The following PTPRQ variants were observed in gnomAD, a reference collection of about 807,000 sequenced individuals.
PTPRQ encodes protein tyrosine phosphatase receptor type Q.
PTPRQ carries 199 observed loss-of-function variants against 246.0 expected under a neutral mutation model. The ratio of observed to expected loss-of-function variants is 0.81; its 90% confidence interval spans 0.72 to 0.91. The LOEUF (loss-of-function observed/expected upper bound fraction) is 0.91, where lower values mean the gene tolerates loss of function less well. Ranked by LOEUF, PTPRQ falls within the 40% of genes least tolerant of loss-of-function variation. PTPRQ has a pLI of 0.00. For synonymous variants in PTPRQ, 869 were observed against 853.2 expected, an observed-to-expected ratio of 1.02 and a Z score of -0.32; for missense variants, 2,624 against 2,528.4, an observed-to-expected ratio of 1.04 and a Z score of -0.81.
chr12:80,583,858 A>T (rs1468570105), intron 25 of PTPRQ: 1 of 152,202 alleles, frequency 6.6e-6, no homozygotes, highest in African/African-American at 2.4e-5. Flanking sequence ...GGTAGAATTT[A>T]GTTCCTTGCA....
At chr12:80,450,291 G>A (rs1185850215) in intron 3 of PTPRQ, among the ~76,000 whole-genome samples, 1 of 152,144 alleles carries the variant, frequency 6.6e-6, no homozygotes, top group Non-Finnish European at 1.5e-5. Context: ...AGACGATGGG[G>A]TTTTCTAGAT....
chr12:80,620,879 T>C (rs557848021), intron 32 of PTPRQ, among the ~76,000 whole-genome samples: 3 of 152,020 alleles, frequency 2.0e-5, no homozygotes, highest in African/African-American at 7.2e-5. Context: ...AATATTTAGC[T>C]TTTTGTAGCC....
At chr12:80,444,877 A>G in intron 2 of PTPRQ, 28 bp downstream of exon 2, 8 of 1,487,960 alleles carry the variant, frequency 5.4e-6, no homozygotes, top group Non-Finnish European at 7.2e-6. Flanking sequence ...ATTACTTTGT[A>G]AGTAAAGTAT....
chr12:80,508,946 G>C (rs201964032), intron 16 of PTPRQ, among the ~76,000 whole-genome samples: 1 of 151,970 alleles, frequency 6.6e-6, no homozygotes, highest in African/African-American at 2.4e-5. Context: ...CTAAGTTACT[G>C]CTATTTTTAA....
At chr12:80,480,820 C>T (rs1223138095) in intron 8 of PTPRQ, among the ~76,000 whole-genome samples, 1 of 152,110 alleles carries the variant, frequency 6.6e-6, no homozygotes, top group Admixed American at 6.5e-5. Context: ...CAAGACTAAA[C>T]CAGGAAGAAG....
At chr12:80,643,122 T>G (rs1210936210) in intron 35 of PTPRQ, among the ~76,000 whole-genome samples, 2 of 151,724 alleles carry the variant, frequency 1.3e-5, no homozygotes, top group Non-Finnish European at 2.9e-5. Context: ...TCATTTACTA[T>G]TAATTGTTTT....
intron 23 of PTPRQ, among the ~76,000 whole-genome samples, chr12:80,545,366 T>C (rs1480719903): frequency 1.3e-5 from 2 of 152,160 alleles, no homozygotes; most frequent in Admixed American, 1.3e-4. Context: ...ATTCTAATTG[T>C]AAATTCCCCA....
At chr12:80,616,100 T>C in intron 29 of PTPRQ, 100 bp from the exon 30 acceptor site, 1 of 630,722 alleles carries the variant, frequency 1.6e-6, no homozygotes, top group Non-Finnish European at 2.2e-6. Flanking sequence ...TATATAACTA[T>C]ATATATACAT....
chr12:80,673,126 AC>A (rs1271760710), intron 42 of PTPRQ, 42 bp from the exon 43 acceptor site: 2 of 1,546,322 alleles, frequency 1.3e-6, no homozygotes, highest in East Asian at 2.5e-5. Flanking sequence ...AAAATGAACA[AC>A]CCTTTGCTGA....
At chr12:80,655,571 G>GTCTC (rs146087588) in intron 38 of PTPRQ, among the ~76,000 whole-genome samples, 3 of 146,960 alleles carry the variant, frequency 2.0e-5, no homozygotes, top group African/African-American at 5.0e-5. Context: ...GGTTCTCTCT[G>GTCTC]TCTCTCTCTC....
chr12:80,589,383 G>A (rs186933009), intron 26 of PTPRQ, among the ~76,000 whole-genome samples: 1 of 152,216 alleles, frequency 6.6e-6, no homozygotes, highest in East Asian at 1.9e-4. Flanking sequence ...AAATCCTTCA[G>A]ATATAGGCCT....
chr12:80,670,194 C>A (rs1900924320), intron 41 of PTPRQ, 150 bp from the exon 42 acceptor site: 5 of 1,112,136 alleles, frequency 4.5e-6, no homozygotes, highest in South Asian at 1.8e-5. Flanking sequence ...CAATAAAAAT[C>A]TCTCTTATAG....
Position 80,673,288 on chromosome 12 carries a change from G to A in PTPRQ, c.6722G>A (p.Cys2241Tyr). ...GCTGAACTGAGAAGTGAAAGAATGT[G>A]CATGGTGCAGAATCTGGTAAGATCT... ...LVAELRSERM[C>Y]MVQNLAQYIF... Residue 2241 changes from cysteine to tyrosine, a missense_variant, in exon 43 of 45, where the codon TGC (cysteine) becomes TAC (tyrosine). By Grantham distance (194) the Cys-to-Tyr change is radical. Transcript: ENST00000644991. The A allele has an allele frequency of 1.3e-6, 2 of 1,550,108 alleles. No homozygotes were observed. Among genetic ancestry groups the A allele is most frequent in the Non-Finnish European group, 1.7e-6 (2 of 1,146,068 alleles).
At chr12:80,529,188 T>C (rs950955588) in intron 17 of PTPRQ, among the ~76,000 whole-genome samples, 3 of 152,088 alleles carry the variant, frequency 2.0e-5, no homozygotes, top group Non-Finnish European at 2.9e-5. Flanking sequence ...CCTTATATAA[T>C]GGGAAAATTA....
chr12:80,526,866 CTATT>C (rs1413195216), intron 17 of PTPRQ, among the ~76,000 whole-genome samples: 3 of 151,656 alleles, frequency 2.0e-5, no homozygotes, highest in African/African-American at 7.3e-5. Flanking sequence ...ATATTTGAAA[CTATT>C]GAAGAAAAAA....
chr12:80,600,794 T>C (rs898876731), intron 26 of PTPRQ, among the ~76,000 whole-genome samples: 4 of 151,842 alleles, frequency 2.6e-5, no homozygotes, highest in African/African-American at 9.7e-5. Flanking sequence ...TTCTACTTCA[T>C]GGCGTTTGTC....
intron 27 of PTPRQ, among the ~76,000 whole-genome samples, chr12:80,606,775 T>C (rs959429683): frequency 2.0e-5 from 3 of 151,108 alleles, no homozygotes; most frequent in South Asian, 2.1e-4. Context: ...CAGTCTCTAT[T>C]TTCTGTTCCT....
intron 2 of PTPRQ, 116 bp from the exon 3 acceptor site, chr12:80,445,375 C>T: frequency 1.6e-6 from 1 of 638,092 alleles, no homozygotes; most frequent in East Asian, 2.7e-5. Context: ...GGAGTGTGAA[C>T]TCATATTGCT....
chr12:80,657,985 A>G lies in PTPRQ; in HGVS notation c.6116A>G (p.Tyr2039Cys), dbSNP rs201859718. The G allele has an allele frequency of 4.4e-4, 616 of 1,412,408 alleles. 1 individual carries two copies. Among genetic ancestry groups the G allele is most frequent in the Middle Eastern group, 1.0e-3 (5 of 4,920 alleles). 87.5% of individuals were successfully genotyped at this position (1,412,408 alleles called of 1,614,324 possible). ...AKNRFPNIKP[Y>C]NNNRVKLIAD... is the part of the protein sequence containing the mutation. ...ATTGATTCCTTATATTTTCTTCTAG[A>G]TAATAATAACAGAGTAAAGCTGATA... Residue 2039 changes from tyrosine (Y) to cysteine (C), a missense_variant and splice_region_variant, in exon 39 of 45, where the codon TAT becomes TGT. Coordinates refer to ENST00000644991, the MANE Select transcript of PTPRQ (RefSeq NM_001145026.2).
Sources: allele counts gnomAD v4.1 joint callset (sites outside exome capture counted in the v4.1 genomes callset), GRCh38; gene constraint gnomAD v4.1.1; transcripts MANE v1.5; gene names NCBI Gene and HGNC (gene_info 2026-07-23, HGNC 2026-07-21).